Variants in ULK4 observed in about 807,000 individuals in gnomAD.
The protein encoded by ULK4 is inactive serine/threonine-protein kinase ULK4.
A neutral mutation model predicts 160.6 loss-of-function variants in ULK4; 133 were observed. The observed-to-expected ratio is 0.83, with a 90% CI of 0.72 to 0.96. The LOEUF is 0.96. Among genes scored for constraint, ULK4 ranks in the 40% least tolerant of loss-of-function variants. ULK4 has a pLI of 0.00. For synonymous variants in ULK4, 534 were observed against 539.8 expected (o/e 0.99, Z 0.15); for missense variants, 1,580 against 1,499.5 (o/e 1.05, Z -0.89).
intron 35 of ULK4, among the ~76,000 whole-genome samples, chr3:41,381,674 A>G (rs1310167543): frequency 6.6e-6 from 1 of 151,900 alleles, no homozygotes; most frequent in East Asian, 1.9e-4. Flanking sequence ...CATGATCAGG[A>G]CTCTGCTGAT....
chr3:41,935,212 T>TATTTATTTA lies in ULK4; in HGVS notation c.378+588_378+589insTAAATAAAT, dbSNP rs58410218. 2.3e-3 allele frequency among the ~76,000 whole-genome samples: 4 copies of TATTTATTTA among 1,760 alleles called. 1 individual carries two copies. The highest frequency in any genetic ancestry group is 0.14 in the South Asian group (2 of 14). The allele number at this position is 1,760 out of a possible 152,430, so 1.2% of individuals were successfully genotyped here. A position where few individuals can be genotyped will look rare whatever the true frequency, so the allele number is the denominator to read the frequency against. The stretch of plus-strand genomic sequence containing the variant: ...TTGTGTTTTTATTTATTTATTTATT[T>TATTTATTTA]TTTTTTTTTTTTTTTTTTTTTTTTT... On this transcript the variant is annotated intron_variant, in intron 4 of 36. Transcript: ENST00000301831.
intron 32 of ULK4, among the ~76,000 whole-genome samples, chr3:41,520,432 A>G (rs2125931070): frequency 6.6e-6 from 1 of 152,318 alleles, no homozygotes; most frequent in South Asian, 2.1e-4. Flanking sequence ...CTGTATGCAT[A>G]TACTACATGT....
intron 16 of ULK4, among the ~76,000 whole-genome samples, chr3:41,893,511 T>C (rs1698043964): frequency 6.6e-6 from 1 of 152,120 alleles, no homozygotes; most frequent in Non-Finnish European, 1.5e-5. Flanking sequence ...TTTTCAGAAG[T>C]CACAAAAATA....
intron 8 of ULK4, among the ~76,000 whole-genome samples, 183 bp downstream of exon 8, chr3:41,915,794 G>A (rs186405734): frequency 3.5e-4 from 53 of 152,202 alleles, no homozygotes; most frequent in Middle Eastern, 3.4e-3. Context: ...CTTTTAATCC[G>A]AAGTCAGACT....
chr3:41,892,521 G>A (rs531962408), intron 16 of ULK4, among the ~76,000 whole-genome samples: 1 of 152,314 alleles, frequency 6.6e-6, no homozygotes, highest in South Asian at 2.1e-4. Flanking sequence ...CCTTAAAAAG[G>A]AATGAAATGC....
In ULK4 at chr3:41,402,922, A is replaced by T. The variant is rs376595901; in HGVS notation, c.3493-4658T>A. Among the ~76,000 whole-genome samples the T allele has an allele frequency of 3.9e-4, 60 of 152,278 alleles. No homozygotes were observed. The East Asian group carries it at 9.5e-3, about 24-fold the overall frequency. On this transcript the variant is annotated intron_variant, in intron 34 of 36. Coordinates refer to ENST00000301831, the MANE Select transcript of ULK4 (RefSeq NM_017886.4). The stretch of plus-strand genomic sequence containing the variant: ...TCCCAGCACTTTGAGGGGCCAAGGC[A>T]GGCGGATCATCTGAGGTTGGGAGTT...
chr3:41,364,266 G>A (rs1176394253), intron 35 of ULK4, among the ~76,000 whole-genome samples: 1 of 152,100 alleles, frequency 6.6e-6, no homozygotes, highest in Non-Finnish European at 1.5e-5. Flanking sequence ...CCAGTCACTG[G>A]TGATTAACTA....
At chr3:41,604,517 AC>A (rs2032275521) in intron 31 of ULK4, among the ~76,000 whole-genome samples, 1 of 152,132 alleles carries the variant, frequency 6.6e-6, no homozygotes, top group African/African-American at 2.4e-5. Context: ...ACCAAAAGAT[AC>A]ATAACATTCA....
Position 41,661,509 on chromosome 3 carries a change from AT to A in ULK4, c.3071+2097del, listed in dbSNP as rs1559468881. On this transcript the variant is annotated intron_variant, in intron 30 of 36. Coordinates refer to ENST00000301831, the MANE Select transcript of ULK4 (RefSeq NM_017886.4). Reference sequence around the variant, plus strand: ...GGCAGATAGACAGATAGATAGATAGATGATAGATAGATAGATAGATAAATAG... The same window carrying A: ...GGCAGATAGACAGATAGATAGATAGAGATAGATAGATAGATAGATAAATAG... Among the ~76,000 whole-genome samples, 37 of 110,694 alleles carry A rather than the reference AT, an allele frequency of 3.3e-4. No individual in the cohort carries two copies. The African/African-American group carries it at 3.4e-3, about 10-fold the overall frequency. The allele number at this position is 110,694 out of a possible 152,430, so 72.6% of individuals were successfully genotyped here. A position where few individuals can be genotyped will look rare whatever the true frequency, so the allele number is the denominator to read the frequency against.
intron 31 of ULK4, among the ~76,000 whole-genome samples, chr3:41,602,099 G>A (rs2032104338): frequency 6.6e-6 from 1 of 152,018 alleles, no homozygotes; most frequent in South Asian, 2.1e-4. Flanking sequence ...AAGAGGCTGA[G>A]GTAATAGGAT....
chr3:41,702,813 G>T (rs930082302), intron 27 of ULK4, among the ~76,000 whole-genome samples: 4 of 150,940 alleles, frequency 2.7e-5, no homozygotes, highest in African/African-American at 9.7e-5. Flanking sequence ...TATAGAAAAA[G>T]CAGGCCAAAA....
At chr3:41,309,190 A>G (rs1355677243) in intron 35 of ULK4, among the ~76,000 whole-genome samples, 1 of 152,124 alleles carries the variant, frequency 6.6e-6, no homozygotes, top group East Asian at 1.9e-4. Context: ...GCAGGAAGCA[A>G]TATTTTGCTA....
intron 12 of ULK4, among the ~76,000 whole-genome samples, chr3:41,901,478 C>CTTTTTTTTTTTTTTTTT (rs1305478036): frequency 4.4e-5 from 1 of 22,946 alleles, no homozygotes; most frequent in African/African-American, 6.0e-5. Flanking sequence ...CCACGCCCAG[C>CTTTTTTTTTTTTTTTTT]CTTTTTTTTT....
chr3:41,702,752 G>C (rs2036720161), intron 27 of ULK4, among the ~76,000 whole-genome samples: 1 of 150,390 alleles, frequency 6.6e-6, no homozygotes, highest in African/African-American at 2.4e-5. Flanking sequence ...TACAAGAAGA[G>C]ATAAATTCAT....
Position 41,800,154 on chromosome 3 carries a change from G to A in ULK4, c.1988C>T (p.Ser663Phe). 2 of 1,611,292 alleles carry A rather than the reference G, an allele frequency of 1.2e-6. No individual in the cohort carries two copies. Among genetic ancestry groups the A allele is most frequent in the Non-Finnish European group, 8.5e-7 (1 of 1,179,356 alleles). ...TACCGATACTGCTGTTATCCTAAGA[G>A]AATCAGCAGTGGAGTGTCTGAATAG... ...WYLFRHSTAD[S>F]LRITAVSALC... The change falls in exon 20 of 37, where the codon TCT (serine) becomes TTT (phenylalanine). Residue 663 changes from serine to phenylalanine, a missense_variant. Physicochemically the swap from Ser to Phe is radical, Grantham distance 155. Coordinates refer to ENST00000301831, the MANE Select transcript of ULK4 (RefSeq NM_017886.4).
intron 29 of ULK4, among the ~76,000 whole-genome samples, chr3:41,675,641 G>A (rs544691237): frequency 1.3e-5 from 2 of 152,042 alleles, no homozygotes; most frequent in African/African-American, 2.4e-5. Flanking sequence ...ATTTAGGATC[G>A]GCCCTAAATC....
At chr3:41,943,306 T>C (rs558039761) in intron 2 of ULK4, among the ~76,000 whole-genome samples, 1 of 151,982 alleles carries the variant, frequency 6.6e-6, no homozygotes, top group Non-Finnish European at 1.5e-5. Flanking sequence ...AATTCAAAAT[T>C]AGATTTGTGG....
At chr3:41,766,927 G>C (rs563121320) in intron 21 of ULK4, 1 of 152,310 alleles carries the variant, frequency 6.6e-6, no homozygotes, top group African/African-American at 2.4e-5. Flanking sequence ...TCCCTTAATG[G>C]TGTTTTGAAA....
chr3:41,754,300 A>G, intron 22 of ULK4, 61 bp downstream of exon 22: 2 of 1,544,794 alleles, frequency 1.3e-6, no homozygotes, highest in South Asian at 1.3e-5. Context: ...ATACCCTACA[A>G]CTACTAATAC....
Sources: gnomAD v4.1 joint callset for allele counts (sites outside exome capture counted in the v4.1 genomes callset) on GRCh38, gnomAD v4.1.1 for gene constraint, MANE v1.5 for transcripts, NCBI Gene and HGNC (gene_info 2026-07-23, HGNC 2026-07-21) for gene names.